INVS: variants seen among roughly 807,000 people sequenced by gnomAD.
The protein encoded by INVS is inversin.
INVS carries 86 observed loss-of-function variants against 108.8 expected under a neutral mutation model. The observed-to-expected ratio is 0.79, with a 90% CI of 0.66 to 0.95. The LOEUF (loss-of-function observed/expected upper bound fraction) is 0.95. Ranked by LOEUF, INVS falls within the 40% of genes least tolerant of loss-of-function variation. The probability of loss-of-function intolerance (pLI) is 0.00; values close to 1 mark genes in which losing one functional copy is unlikely to be tolerated. For synonymous variants in INVS, 455 were observed against 473.5 expected (o/e 0.96, Z 0.51); for missense variants, 1,169 against 1,297.4 (o/e 0.90, Z 1.52).
chr9:100,279,702 C>G (rs373242602), intron 12 of INVS, among the ~76,000 whole-genome samples: 7 of 152,198 alleles, frequency 4.6e-5, no homozygotes, highest in Admixed American at 3.9e-4. Flanking sequence ...ACTAACTAGA[C>G]TTCTCTTTTC....
rs1564138793 is a variant in INVS at position 100,161,388 on chromosome 9, A to AAAAAAAC, written c.273+34843_273+34844insAACAAAA. On this transcript the variant is annotated intron_variant, in intron 3 of 16. Transcript: ENST00000262457. Reference sequence around the variant, plus strand: ...TCAAAAAAAAAAAAAAAAAAAAAAAAAAAACCTCATAAATTGAGTGTTGTG... The same window carrying AAAAAAAC: ...TCAAAAAAAAAAAAAAAAAAAAAAAAAAAAAACAAAACCTCATAAATTGAGTGTTGTG... Among the ~76,000 whole-genome samples, 57 of 139,100 alleles carry AAAAAAAC rather than the reference A, an allele frequency of 4.1e-4. 6 individuals are homozygous for AAAAAAAC. Among genetic ancestry groups the AAAAAAAC allele is most frequent in the African/African-American group, 1.6e-3 (55 of 34,080 alleles). 91.3% of individuals were successfully genotyped at this position (139,100 alleles called of 152,430 possible). A position where few individuals can be genotyped will look rare whatever the true frequency, so the allele number is the denominator to read the frequency against.
chr9:100,257,942 T>C (rs1832476977), intron 10 of INVS, among the ~76,000 whole-genome samples: 1 of 152,236 alleles, frequency 6.6e-6, no homozygotes, highest in South Asian at 2.1e-4. Flanking sequence ...TTCCTGAATT[T>C]GAATGTTGGC....
chr9:100,191,663 G>A (rs1040611714), intron 3 of INVS, among the ~76,000 whole-genome samples: 42 of 152,056 alleles, frequency 2.8e-4, no homozygotes, highest in Admixed American at 2.7e-3. Flanking sequence ...TCAACCTTTT[G>A]GGTTCTTTAT....
chr9:100,103,458 C>T (rs1222545297), intron 1 of INVS, among the ~76,000 whole-genome samples: 1 of 151,880 alleles, frequency 6.6e-6, no homozygotes, highest in Non-Finnish European at 1.5e-5. Flanking sequence ...GAAACCCCGT[C>T]GCTACTAAAA....
intron 8 of INVS, among the ~76,000 whole-genome samples, chr9:100,251,576 T>A (rs1832238166): frequency 6.6e-6 from 1 of 152,234 alleles, no homozygotes; most frequent in African/African-American, 2.4e-5. Context: ...TTCTTTTCTT[T>A]TTTTGAGATG....
intron 3 of INVS, among the ~76,000 whole-genome samples, chr9:100,156,955 CATAT>C (rs980565969): frequency 7.1e-6 from 1 of 141,378 alleles, no homozygotes; most frequent in Admixed American, 6.8e-5. Context: ...CACACACACA[CATAT>C]ATATATAGGG....
At chr9:100,294,778 CAGG>C (rs1031779883) in intron 14 of INVS, among the ~76,000 whole-genome samples, 5 of 152,140 alleles carry the variant, frequency 3.3e-5, no homozygotes, top group Non-Finnish European at 2.9e-5. Flanking sequence ...TCAGGGTAAC[CAGG>C]AGAAGGGTGA....
intron 2 of INVS, chr9:100,116,982 C>G (rs2118862074): frequency 6.4e-7 from 1 of 1,562,176 alleles, no homozygotes; most frequent in African/African-American, 1.3e-5. Flanking sequence ...TCATCGATAC[C>G]AGCCATCATG....
rs1464689697 is a variant in INVS, at chr9:100,226,118, G to A, written c.330G>A (p.Lys110=). Reference sequence around the variant, plus strand: ...CACGCAGAGCAAACTGGATGCAAAAGGATCTGGAAGAGATGACTCCTTTGC... The same window carrying A: ...CACGCAGAGCAAACTGGATGCAAAAAGATCTGGAAGAGATGACTCCTTTGC... ...LLTRRANWMQ[K]DLEEMTPLHL... The change falls in exon 4 of 17, where the codon AAG becomes AAA. Residue 110 remains lysine, a synonymous_variant. Coordinates refer to ENST00000262457, the MANE Select transcript of INVS (RefSeq NM_014425.5). 3.1e-6 allele frequency: 5 copies of A among 1,613,806 alleles called. No individual in the cohort carries two copies. In the African/African-American group the frequency reaches 6.7e-5, roughly 22 times the overall value.
At chr9:100,164,817 A>G (rs1829307090) in intron 3 of INVS, among the ~76,000 whole-genome samples, 1 of 150,944 alleles carries the variant, frequency 6.6e-6, no homozygotes, top group African/African-American at 2.4e-5. Flanking sequence ...AGAGCTATAT[A>G]TTGTGATTGG....
At chr9:100,156,426 A>AT (rs960050061) in intron 3 of INVS, among the ~76,000 whole-genome samples, 7 of 150,858 alleles carry the variant, frequency 4.6e-5, no homozygotes, top group Admixed American at 2.6e-4. Flanking sequence ...GCACCTGGCT[A>AT]TTTTTTTTGT....
At chr9:100,196,266 G>T (rs1588080990) in intron 3 of INVS, among the ~76,000 whole-genome samples, 1 of 152,172 alleles carries the variant, frequency 6.6e-6, no homozygotes, top group Non-Finnish European at 1.5e-5. Flanking sequence ...CCCTCAGGAA[G>T]AAATTTAGAA....
intron 5 of INVS, among the ~76,000 whole-genome samples, chr9:100,237,562 C>T (rs879437224): frequency 2.0e-5 from 3 of 152,090 alleles, no homozygotes; most frequent in Admixed American, 6.6e-5. Context: ...GGCCAGATAC[C>T]GTCCCTGCCG....
At position 100,208,781 on chromosome 9, in the gene INVS, A is replaced by G. The variant is rs563860318; in HGVS notation, c.274-17281A>G. Among the ~76,000 whole-genome samples the G allele has an allele frequency of 7.2e-5, 11 of 152,316 alleles. No homozygotes were observed. In the South Asian group the frequency reaches 2.3e-3, roughly 32 times the overall value. On this transcript the variant is annotated intron_variant, in intron 3 of 16. Coordinates refer to ENST00000262457, the MANE Select transcript of INVS (RefSeq NM_014425.5). ...CTGAGAAGGCTGGTCAGGGTCAGTA[A>G]GAAGAACAGGCTACACAGATTATCA...
Position 100,258,824 on chromosome 9 carries a change from C to T in INVS, c.1464+5688C>T, listed in dbSNP as rs534065498. Among the ~76,000 whole-genome samples, 3 of 152,304 alleles carry T rather than the reference C, an allele frequency of 2.0e-5. No homozygotes were observed. The East Asian group carries it at 5.8e-4, about 29-fold the overall frequency. The stretch of plus-strand genomic sequence containing the variant: ...CTGGCTGTATGAGGTGTCAGTCGGC[C>T]CCTACTGGGAGATGTCTCCCCGTTA... On this transcript the variant is annotated intron_variant, in intron 10 of 16. Coordinates refer to ENST00000262457, the MANE Select transcript of INVS (RefSeq NM_014425.5).
chr9:100,301,556 G>C lies in INVS; in HGVS notation c.*882G>C, dbSNP rs939220313. Among the ~76,000 whole-genome samples the C allele has an allele frequency of 1.3e-5, 2 of 152,110 alleles. No homozygotes were observed. The highest frequency in any genetic ancestry group is 4.8e-5 in the African/African-American group (2 of 41,402). ...TTCTGTTGGCAGGGAAGAATGAAACGGCACACATCCTAGCATTCTAAGAAC... is the reference window on the plus strand; with the variant it reads ...TTCTGTTGGCAGGGAAGAATGAAACCGCACACATCCTAGCATTCTAAGAAC... On this transcript the variant is annotated 3_prime_UTR_variant, in exon 17 of 17. Transcript: ENST00000262457.
At position 100,253,121 on chromosome 9, in the gene INVS, C is replaced by T; in HGVS notation, c.1449C>T (p.Asn483=). 4 of 1,612,192 alleles carry T rather than the reference C, an allele frequency of 2.5e-6. No individual in the cohort carries two copies. The highest frequency in any genetic ancestry group is 2.2e-5 in the East Asian group (1 of 44,868). The change falls in exon 10 of 17, where the codon AAC becomes AAT. Residue 483 remains asparagine, a synonymous_variant. Transcript: ENST00000262457. The part of the protein sequence containing the change: ...AVLMENNADP[N]IQDKEGRTAL... Reference sequence around the variant, plus strand: ...TCATGGAAAACAATGCAGACCCTAACATTCAAGACAAAGAGGTAGAAATTC... The same window carrying T: ...TCATGGAAAACAATGCAGACCCTAATATTCAAGACAAAGAGGTAGAAATTC...
Position 100,245,405 on chromosome 9 carries a change from G to A in INVS, c.907-1211G>A, listed in dbSNP as rs548371979. ...ATCAATTCCCCTGCCTCAACCTCCC[G>A]AGTAGCTGGGACTACAGGCATGTGC... On this transcript the variant is annotated intron_variant, in intron 7 of 16. Coordinates refer to ENST00000262457, the MANE Select transcript of INVS (RefSeq NM_014425.5). Among the ~76,000 whole-genome samples the A allele has an allele frequency of 3.9e-5, 6 of 152,034 alleles. No individual in the cohort carries two copies. The South Asian group carries it at 8.3e-4, about 21-fold the overall frequency.
chr9:100,203,715 T>G (rs1830596873), intron 3 of INVS, among the ~76,000 whole-genome samples: 1 of 151,950 alleles, frequency 6.6e-6, no homozygotes, highest in African/African-American at 2.4e-5. Flanking sequence ...GTTGGCCAGA[T>G]TGGTCTCGAA....
Sources: gnomAD v4.1 joint callset for allele counts (sites outside exome capture counted in the v4.1 genomes callset) on GRCh38, gnomAD v4.1.1 for gene constraint, MANE v1.5 for transcripts, NCBI Gene and HGNC (gene_info 2026-07-23, HGNC 2026-07-21) for gene names.